The following LINGO2 variants were observed in gnomAD, a reference collection of about 807,000 sequenced individuals.
The protein encoded by LINGO2 is leucine rich repeat and Ig domain containing 2, also known as leucine-rich repeat and immunoglobulin-like domain-containing nogo receptor-interacting protein 2.
LINGO2 carries 14 observed loss-of-function variants against 30.6 expected under a neutral mutation model. The ratio of observed to expected loss-of-function variants is 0.46; its 90% CI spans 0.30 to 0.72. LINGO2 has a LOEUF of 0.72. LINGO2 is among the 30% of genes least tolerant of loss of function. The pLI, the probability that LINGO2 is intolerant of heterozygous loss-of-function variation, is 0.07. For missense variants in LINGO2, 729 were observed against 751.7 expected, an observed-to-expected ratio of 0.97 and a Z score of 0.35; for synonymous variants, 317 against 288.5, an observed-to-expected ratio of 1.10 and a Z score of -1.00.
chr9:28,676,420 C>T, the LINGO2 span, among the ~76,000 whole-genome samples: 1 of 152,092 alleles, frequency 6.6e-6, no homozygotes, highest in Admixed American at 6.6e-5. Flanking sequence ...TTGATTGACT[C>T]TCTCTATACA....
intron 1 of LINGO2, among the ~76,000 whole-genome samples, chr9:28,601,892 T>A (rs1825493838): frequency 3.9e-5 from 6 of 151,986 alleles, no homozygotes; most frequent in Admixed American, 3.9e-4. Flanking sequence ...AAAGGCAGAT[T>A]GAGAGTACCA....
chr9:28,493,339 C>T (rs539666373), intron 1 of LINGO2, among the ~76,000 whole-genome samples: 1 of 152,238 alleles, frequency 6.6e-6, no homozygotes, highest in South Asian at 2.1e-4. Flanking sequence ...TTATAACTGA[C>T]ATATCACTTT....
At chr9:28,525,917 G>A (rs1287152253) in intron 1 of LINGO2, among the ~76,000 whole-genome samples, 6 of 151,864 alleles carry the variant, frequency 4.0e-5, no homozygotes, top group South Asian at 2.1e-4. Context: ...TTAGCGGGGC[G>A]TGGTGGCGGG....
intron 4 of LINGO2, among the ~76,000 whole-genome samples, chr9:28,050,350 C>T (rs918274414): frequency 2.7e-5 from 4 of 150,550 alleles, no homozygotes; most frequent in East Asian, 2.0e-4. Flanking sequence ...GTTAAAGCCC[C>T]ATATCTGGAG....
the LINGO2 span, among the ~76,000 whole-genome samples, chr9:28,688,915 G>A: frequency 1.2e-4 from 19 of 152,022 alleles, no homozygotes; most frequent in African/African-American, 4.6e-4. Flanking sequence ...ATTTATTAAC[G>A]TGTTGAGGGG....
chr9:28,983,245 G>T, the LINGO2 span, among the ~76,000 whole-genome samples: 1 of 149,932 alleles, frequency 6.7e-6, no homozygotes, highest in Non-Finnish European at 1.5e-5. Context: ...ATTGTGTCTC[G>T]CAAAGTCTAA....
At chr9:28,209,076 T>C (rs1395702946) in intron 4 of LINGO2, among the ~76,000 whole-genome samples, 1 of 152,034 alleles carries the variant, frequency 6.6e-6, no homozygotes, top group Admixed American at 6.6e-5. Flanking sequence ...AGAGCAAAAA[T>C]ACCTGTAATA....
At chr9:29,196,868 G>A in the LINGO2 span, among the ~76,000 whole-genome samples, 2 of 151,950 alleles carry the variant, frequency 1.3e-5, no homozygotes, top group African/African-American at 4.8e-5. Flanking sequence ...GTCTTTGCCT[G>A]GTATTATAGT....
chr9:28,371,530 C>G lies in LINGO2; in HGVS notation c.-246+1306G>C, dbSNP rs530742092. 5.9e-5 allele frequency among the ~76,000 whole-genome samples: 9 copies of G among 152,280 alleles called. No individual in the cohort carries two copies. In the South Asian group the frequency reaches 1.5e-3, roughly 25 times the overall value. ...CCCTTTCGTGATTCATGAACCTAAT[C>G]ATTTCCCAAAAGGCTTCATTGCCTA... On this transcript the variant is annotated intron_variant, in intron 3 of 5. Coordinates refer to ENST00000379992, the Ensembl canonical transcript of LINGO2.
intron 3 of LINGO2, among the ~76,000 whole-genome samples, chr9:28,335,848 T>C (rs1221453339): frequency 6.6e-6 from 1 of 152,182 alleles, no homozygotes; most frequent in Admixed American, 6.5e-5. Context: ...GAAGGACATT[T>C]GGGTTGTTTC....
intron 4 of LINGO2, among the ~76,000 whole-genome samples, chr9:28,069,798 G>T (rs1012631647): frequency 3.3e-5 from 5 of 152,180 alleles, no homozygotes; most frequent in Non-Finnish European, 7.4e-5. Flanking sequence ...CACTTCTATA[G>T]TGTGCTGGCT....
chr9:28,924,467 A>G, the LINGO2 span, among the ~76,000 whole-genome samples: 3 of 152,118 alleles, frequency 2.0e-5, no homozygotes, highest in East Asian at 3.9e-4. Context: ...GCAATCCGCC[A>G]GCCTCAGTCT....
intron 4 of LINGO2, among the ~76,000 whole-genome samples, chr9:28,155,728 AG>A (rs1287607027): frequency 6.6e-6 from 1 of 152,214 alleles, no homozygotes; most frequent in African/African-American, 2.4e-5. Flanking sequence ...CTAACTCTGG[AG>A]GTGACGGTAT....
intron 4 of LINGO2, among the ~76,000 whole-genome samples, chr9:28,180,049 C>A (rs1828869370): frequency 6.6e-6 from 1 of 152,100 alleles, no homozygotes; most frequent in African/African-American, 2.4e-5. Context: ...TATTTTCTGT[C>A]CTGTATGTCA....
At chr9:27,945,613 T>C (rs1308029766), downstream of LINGO2, among the ~76,000 whole-genome samples, 1 of 152,082 alleles carries the variant, frequency 6.6e-6, no homozygotes, top group Non-Finnish European at 1.5e-5. Context: ...GACTCAGAGA[T>C]GTCATATTTA....
intron 2 of LINGO2, among the ~76,000 whole-genome samples, chr9:28,471,468 TGAC>T (rs1395988520): frequency 8.5e-5 from 13 of 152,164 alleles, no homozygotes; most frequent in African/African-American, 2.4e-4. Context: ...TCTCTCTCAG[TGAC>T]TTAATCACAT....
chr9:28,207,364 T>A (rs541952671), intron 4 of LINGO2, among the ~76,000 whole-genome samples: 1 of 152,246 alleles, frequency 6.6e-6, no homozygotes, highest in African/African-American at 2.4e-5. Context: ...CTCACAATCT[T>A]CTGTTACTTT....
chr9:28,877,911 A>C, the LINGO2 span, among the ~76,000 whole-genome samples: 15 of 152,006 alleles, frequency 9.9e-5, no homozygotes, highest in African/African-American at 3.4e-4. Flanking sequence ...ATTTGTTTGT[A>C]TCCTCTTTTA....
chr9:28,923,204 G>A, the LINGO2 span, among the ~76,000 whole-genome samples: 1 of 152,172 alleles, frequency 6.6e-6, no homozygotes, highest in Non-Finnish European at 1.5e-5. Context: ...TCTTATAGAT[G>A]GTTAGATGAT....
Sources: gnomAD v4.1 joint callset for allele counts (sites outside exome capture counted in the v4.1 genomes callset) on GRCh38, gnomAD v4.1.1 for gene constraint, MANE v1.5 for transcripts, NCBI Gene and HGNC (gene_info 2026-07-23, HGNC 2026-07-21) for gene names.